Variants in LONP2 observed in about 807,000 individuals in gnomAD.
LONP2 encodes the protein lon peptidase 2, peroxisomal.
A neutral mutation model predicts 85.6 loss-of-function variants in LONP2; 60 were observed. That is an observed-to-expected ratio of 0.70 (90% CI 0.57 to 0.87). The LOEUF (loss-of-function observed/expected upper bound fraction) is 0.87, where lower values mean the gene tolerates loss of function less well. Ranked by LOEUF, LONP2 falls within the 40% of genes least tolerant of loss-of-function variation. LONP2 has a pLI of 0.00. For missense variants in LONP2, 860 were observed against 1,063.5 expected (o/e 0.81, Z 2.66); for synonymous variants, 395 against 389.7 (o/e 1.01, Z -0.16).
chr16:48,333,005 TAAAA>T (rs1242601217), intron 11 of LONP2, among the ~76,000 whole-genome samples: 1 of 152,124 alleles, frequency 6.6e-6, no homozygotes, highest in African/African-American at 2.4e-5. Flanking sequence ...AATAGTGTGT[TAAAA>T]AAAGGTAATG....
At chr16:48,312,717 A>G (rs1270435723) in intron 11 of LONP2, among the ~76,000 whole-genome samples, 2 of 152,208 alleles carry the variant, frequency 1.3e-5, no homozygotes, top group African/African-American at 4.8e-5. Context: ...CCAAGGCACT[A>G]TGCAGTTGTA....
intron 8 of LONP2, among the ~76,000 whole-genome samples, chr16:48,282,712 C>A (rs1972356739): frequency 6.6e-6 from 1 of 152,156 alleles, no homozygotes; most frequent in Non-Finnish European, 1.5e-5. Flanking sequence ...CCCTTTCTCT[C>A]TCCCTCTCCT....
chr16:48,313,479 TCACTCCCACCCA>T (rs1973077829), intron 11 of LONP2, among the ~76,000 whole-genome samples: 1 of 151,990 alleles, frequency 6.6e-6, no homozygotes, highest in Admixed American at 6.6e-5. Context: ...CTCCCTCCCC[TCACTCCCACCCA>T]CAACAGGCCC....
chr16:48,307,417 G>A (rs566497599), intron 11 of LONP2, among the ~76,000 whole-genome samples: 13 of 152,162 alleles, frequency 8.5e-5, no homozygotes, highest in African/African-American at 3.1e-4. Flanking sequence ...ATTTAATTTT[G>A]CACACTTCAG....
intron 1 of LONP2, 43 bp downstream of exon 1, chr16:48,244,664 T>C: frequency 7.7e-7 from 1 of 1,290,790 alleles, no homozygotes; most frequent in Non-Finnish European, 9.9e-7. Context: ...CGGCGCGGCC[T>C]CCTCCGGGGA....
chr16:48,269,949 C>G, intron 6 of LONP2, 67 bp from the exon 7 acceptor site: 1 of 1,517,154 alleles, frequency 6.6e-7, no homozygotes, highest in East Asian at 2.3e-5. Flanking sequence ...CCTCGTCATG[C>G]TTGAAAGGAG....
intron 12 of LONP2, chr16:48,345,492 T>A (rs1332616821): frequency 3.3e-5 from 5 of 152,346 alleles, no homozygotes; most frequent in Admixed American, 1.3e-4. Context: ...GATTTTATAT[T>A]AGAAAAAACA....
chr16:48,329,604 AT>A (rs1959371674), intron 11 of LONP2, among the ~76,000 whole-genome samples: 1 of 152,208 alleles, frequency 6.6e-6, no homozygotes, highest in Admixed American at 6.5e-5. Context: ...AAAATGGTAT[AT>A]ATAGGGTTCT....
chr16:48,296,506 T>C (rs942023706), intron 9 of LONP2, among the ~76,000 whole-genome samples: 2 of 152,170 alleles, frequency 1.3e-5, no homozygotes, highest in Admixed American at 1.3e-4. Flanking sequence ...GGCAGGTGGA[T>C]CACTTGAGGT....
In LONP2 at chr16:48,270,216, G is replaced by A. The variant is rs1460707886; in HGVS notation, c.1183G>A (p.Glu395Lys). The A allele has an allele frequency of 6.2e-7, 1 of 1,614,032 alleles. No homozygotes were observed. Among genetic ancestry groups the A allele is most frequent in the Admixed American group, 1.7e-5 (1 of 60,012 alleles). ...ATCAGTGGCCAAGACTCTAGGTCGA[G>A]AGTTCCACAGGATTGCACTTGGAGG... Reference protein sequence around the residue: ...GRSVAKTLGREFHRIALGGVC... With the variant: ...GRSVAKTLGRKFHRIALGGVC... Residue 395 changes from glutamate (E) to lysine (K), a missense_variant, in exon 7 of 15, where the codon GAG becomes AAG. Around this residue, in one of 3 missense-constraint regions of LONP2, gnomAD observed 743 missense variants for 917.3 expected, o/e 0.81. Transcript: ENST00000285737.
intron 12 of LONP2, among the ~76,000 whole-genome samples, chr16:48,338,197 C>A (rs958574794): frequency 5.9e-5 from 9 of 152,276 alleles, no homozygotes; most frequent in Admixed American, 5.9e-4. Context: ...GAGTTTGATT[C>A]ATTTAATAAA....
At position 48,362,857 on chromosome 16, in the gene LONP2, G is replaced by C. The variant is rs763260739; in HGVS notation, c.*994G>C. ...GGAGTCAGCTGTTGATAGGTACAGGGAGTTACAGGTGAACTCCTGTATAAA... is the reference window on the plus strand; with the variant it reads ...GGAGTCAGCTGTTGATAGGTACAGGCAGTTACAGGTGAACTCCTGTATAAA... On this transcript the variant is annotated 3_prime_UTR_variant, in exon 5 of 5. Transcript: ENST00000565867. The surrounding 1 kb of genome is among the most constrained non-coding windows in gnomAD (Gnocchi z 4.2). 6.3e-5 allele frequency: 11 copies of C among 173,888 alleles called. No individual in the cohort carries two copies. Among genetic ancestry groups the C allele is most frequent in the Admixed American group, 1.2e-4 (2 of 16,258 alleles). The allele number at this position is 173,888 out of a possible 1,614,324, so 10.8% of individuals were successfully genotyped here.
At chr16:48,305,934 A>G (rs1419572868) in intron 11 of LONP2, among the ~76,000 whole-genome samples, 1 of 152,224 alleles carries the variant, frequency 6.6e-6, no homozygotes, top group Non-Finnish European at 1.5e-5. Flanking sequence ...TACCATTTAT[A>G]GAAATTTGAA....
Position 48,269,897 on chromosome 16 carries a change from A to T in LONP2, c.983-119A>T, listed in dbSNP as rs1972066452. 6 of 1,023,210 alleles carry T rather than the reference A, an allele frequency of 5.9e-6. No individual in the cohort carries two copies. In the Admixed American group the frequency reaches 1.4e-4, roughly 25 times the overall value. The allele number at this position is 1,023,210 out of a possible 1,614,324, so 63.4% of individuals were successfully genotyped here. On this transcript the variant is annotated intron_variant, in intron 6 of 14. Transcript: ENST00000285737. Reference sequence around the variant, plus strand: ...TAGAATCCTCATCTAGAAAGATCCAAGTCTGTTCTTATCACATCTATTTTC... The same window carrying T: ...TAGAATCCTCATCTAGAAAGATCCATGTCTGTTCTTATCACATCTATTTTC...
chr16:48,266,018 T>A (rs1360476981), intron 6 of LONP2, among the ~76,000 whole-genome samples: 1 of 152,172 alleles, frequency 6.6e-6, no homozygotes, highest in African/African-American at 2.4e-5. Flanking sequence ...TTATTTATTT[T>A]TTTGACAGGA....
At chr16:48,288,699 G>A (rs1972500488) in intron 8 of LONP2, among the ~76,000 whole-genome samples, 1 of 151,958 alleles carries the variant, frequency 6.6e-6, no homozygotes, top group Non-Finnish European at 1.5e-5. Flanking sequence ...TCTTATAAGG[G>A]TACCAATTGT....
chr16:48,334,679 TA>T, intron 12 of LONP2: 1 of 578,028 alleles, frequency 1.7e-6, no homozygotes, highest in Non-Finnish European at 3.4e-6. Context: ...CTGGATGTTG[TA>T]GTCTAAGAGT....
At chr16:48,293,169 C>G (rs978333612) in intron 8 of LONP2, among the ~76,000 whole-genome samples, 9 of 152,148 alleles carry the variant, frequency 5.9e-5, no homozygotes, top group Non-Finnish European at 1.3e-4. Context: ...TGGCTCATGC[C>G]TGTAATCCCA....
chr16:48,296,651 T>TG (rs1773458160), intron 9 of LONP2, among the ~76,000 whole-genome samples: 1 of 141,322 alleles, frequency 7.1e-6, no homozygotes, highest in South Asian at 2.2e-4. Flanking sequence ...CCCTTGAACC[T>TG]GGGAAGGGGA....
Sources: gnomAD v4.1 joint callset for allele counts (sites outside exome capture counted in the v4.1 genomes callset) on GRCh38, gnomAD v4.1.1 for gene constraint, gnomAD v4.1.1 regional missense constraint, Gnocchi (gnomAD v3.1) non-coding constraint, MANE v1.5 for transcripts, NCBI Gene and HGNC (gene_info 2026-07-23, HGNC 2026-07-21) for gene names.